SCUBE1: variants seen among roughly 807,000 people sequenced by gnomAD.
The protein encoded by SCUBE1 is signal peptide, CUB and EGF-like domain-containing protein 1.
A neutral mutation model predicts 124.4 loss-of-function variants in SCUBE1; 59 were observed. The ratio of observed to expected loss-of-function variants is 0.47; its 90% CI spans 0.38 to 0.59. The LOEUF (loss-of-function observed/expected upper bound fraction) is 0.59. Ranked by LOEUF, SCUBE1 falls within the 20% of genes least tolerant of loss-of-function variation. SCUBE1 has a pLI of 0.00. For missense variants in SCUBE1, 1,150 were observed against 1,371.2 expected, an observed-to-expected ratio of 0.84 and a Z score of 2.55; for synonymous variants, 545 against 550.9, an observed-to-expected ratio of 0.99 and a Z score of 0.15.
chr22:43,297,260 C>T (rs1181597913), intron 3 of SCUBE1, among the ~76,000 whole-genome samples: 2 of 152,244 alleles, frequency 1.3e-5, no homozygotes, highest in African/African-American at 2.4e-5. Context: ...AGGCTGCACA[C>T]TTCTCCTGGG....
At chr22:43,314,726 T>C (rs1314888044) in intron 3 of SCUBE1, among the ~76,000 whole-genome samples, 1 of 152,032 alleles carries the variant, frequency 6.6e-6, no homozygotes, top group Non-Finnish European at 1.5e-5. Flanking sequence ...CGTCATGGTG[T>C]GGGGTGGAGC....
intron 7 of SCUBE1, among the ~76,000 whole-genome samples, chr22:43,235,200 G>T (rs1376982948): frequency 2.0e-5 from 3 of 152,234 alleles, no homozygotes; most frequent in Non-Finnish European, 2.9e-5. Context: ...GTTGAGGGAA[G>T]GGTGGGGTCT....
At chr22:43,260,674 G>A (rs954200758) in intron 5 of SCUBE1, among the ~76,000 whole-genome samples, 3 of 152,248 alleles carry the variant, frequency 2.0e-5, no homozygotes, top group African/African-American at 7.2e-5. Context: ...CTTCACGGGA[G>A]GCCTCAGGCC....
chr22:43,221,054 TGA>T (rs1277237764), intron 13 of SCUBE1, 117 bp downstream of exon 13: 15 of 671,662 alleles, frequency 2.2e-5, no homozygotes, highest in Non-Finnish European at 3.6e-5. Flanking sequence ...AGCTGCCAGG[TGA>T]GAGAGACCTC....
intron 2 of SCUBE1, among the ~76,000 whole-genome samples, chr22:43,329,621 C>T (rs564351636): frequency 1.2e-4 from 19 of 152,344 alleles, no homozygotes; most frequent in South Asian, 1.2e-3. Context: ...GAGTGATCAA[C>T]GCCAGCAGCT....
chr22:43,264,489 G>A (rs553587169), intron 4 of SCUBE1, among the ~76,000 whole-genome samples: 15 of 152,300 alleles, frequency 9.8e-5, no homozygotes, highest in African/African-American at 2.6e-4. Flanking sequence ...GGCGGCTCTC[G>A]GTAGAGAAAC....
chr22:43,302,056 G>A (rs889730374), intron 3 of SCUBE1, among the ~76,000 whole-genome samples: 4 of 152,188 alleles, frequency 2.6e-5, no homozygotes, highest in Non-Finnish European at 4.4e-5. Flanking sequence ...CCGTGGGTGT[G>A]TGGGTGGGTC....
At chr22:43,323,743 C>G (rs929931844) in intron 2 of SCUBE1, among the ~76,000 whole-genome samples, 1 of 152,084 alleles carries the variant, frequency 6.6e-6, no homozygotes, top group Non-Finnish European at 1.5e-5. Flanking sequence ...AAACACCTAC[C>G]TACCCATTCA....
chr22:43,204,941 CAA>C (rs55783565), intron 21 of SCUBE1, among the ~76,000 whole-genome samples: 27 of 77,270 alleles, frequency 3.5e-4, no homozygotes, highest in Admixed American at 6.9e-4. Context: ...GAGACTGTCT[CAA>C]AAAAAAAAAA....
intron 15 of SCUBE1, among the ~76,000 whole-genome samples, chr22:43,217,106 A>AC (rs1491105339): frequency 2.3e-5 from 1 of 43,058 alleles, no homozygotes; most frequent in African/African-American, 2.6e-4. Context: ...GCTTCCCCCA[A>AC]CCCCCACCCC....
intron 3 of SCUBE1, among the ~76,000 whole-genome samples, chr22:43,291,655 T>C (rs1434463240): frequency 6.6e-6 from 1 of 152,164 alleles, no homozygotes; most frequent in Non-Finnish European, 1.5e-5. Context: ...TGTGCTATAC[T>C]GGTACAGCGG....
At chr22:43,206,218 AACACACACCCCTACACACCCAGC>A (rs1921271514) in intron 21 of SCUBE1, among the ~76,000 whole-genome samples, 1 of 120,292 alleles carries the variant, frequency 8.3e-6, no homozygotes, top group African/African-American at 3.3e-5. Flanking sequence ...ACACCCACTC[AACACACACCCCTACACACCCAGC>A]ACACACACCC....
intron 4 of SCUBE1, among the ~76,000 whole-genome samples, chr22:43,268,739 G>A (rs1924173496): frequency 6.6e-6 from 1 of 152,254 alleles, no homozygotes; most frequent in South Asian, 2.1e-4. Context: ...GTGAGGTGCT[G>A]GCTAAGGGTG....
intron 4 of SCUBE1, among the ~76,000 whole-genome samples, chr22:43,290,810 C>T (rs142861565): frequency 0.011 from 1,633 of 152,340 alleles, 10 homozygotes; most frequent in African/African-American, 0.017. Flanking sequence ...GTGCTACTTG[C>T]GGCCCCACAT....
chr22:43,299,059 A>AG (rs386395541), intron 3 of SCUBE1, among the ~76,000 whole-genome samples: 3 of 151,516 alleles, frequency 2.0e-5, no homozygotes, highest in Non-Finnish European at 4.4e-5. Flanking sequence ...CTCAAAAAAA[A>AG]AAAAAAGAAA....
At chr22:43,279,187 A>G (rs1437238688) in intron 4 of SCUBE1, among the ~76,000 whole-genome samples, 1 of 152,142 alleles carries the variant, frequency 6.6e-6, no homozygotes, top group Non-Finnish European at 1.5e-5. Flanking sequence ...CTCTGGCTCA[A>G]CCCCAGGAAA....
At chr22:43,231,960 G>A (rs958038909) in intron 7 of SCUBE1, 85 bp from the exon 8 acceptor site, 32 of 1,526,686 alleles carry the variant, frequency 2.1e-5, no homozygotes, top group Non-Finnish European at 2.7e-5. Flanking sequence ...CTAGCGGCAG[G>A]GGATGACACT....
chr22:43,245,796 G>C (rs1437786316), intron 6 of SCUBE1, among the ~76,000 whole-genome samples: 2 of 152,236 alleles, frequency 1.3e-5, no homozygotes. Context: ...CCTGAGAACC[G>C]TGCTGCTTGG....
At chr22:43,297,442 C>T (rs543403903) in intron 3 of SCUBE1, among the ~76,000 whole-genome samples, 10 of 152,370 alleles carry the variant, frequency 6.6e-5, no homozygotes, top group East Asian at 3.9e-4. Flanking sequence ...GCCGGGGTGG[C>T]GGCGGACGGC....
Sources: gnomAD v4.1 joint callset for allele counts (sites outside exome capture counted in the v4.1 genomes callset) on GRCh38, gnomAD v4.1.1 for gene constraint, MANE v1.5 for transcripts, NCBI Gene and HGNC (gene_info 2026-07-23, HGNC 2026-07-21) for gene names.